Variants in LARP1 observed in about 807,000 individuals in gnomAD.
LARP1 encodes the protein la-related protein 1.
A neutral mutation model predicts 122.7 loss-of-function variants in LARP1; 36 were observed. The ratio of observed to expected loss-of-function variants is 0.29; its 90% CI spans 0.22 to 0.39. LARP1 has a LOEUF of 0.39. Ranked by LOEUF, LARP1 falls within the 10% of genes least tolerant of loss-of-function variation. The pLI, the probability that LARP1 is intolerant of heterozygous loss-of-function variation, is 1.00. For synonymous variants in LARP1, 539 were observed against 528.7 expected (o/e 1.02, Z -0.27); for missense variants, 1,040 against 1,403.6 (o/e 0.74, Z 4.14).
chr5:154,746,365 A>G (rs1753200197), intron 1 of LARP1, among the ~76,000 whole-genome samples: 1 of 152,152 alleles, frequency 6.6e-6, no homozygotes, highest in African/African-American at 2.4e-5. Flanking sequence ...TTGCCAAGAA[A>G]TTTCCTTTTG....
At chr5:154,795,651 T>C (rs1757688029) in intron 8 of LARP1, among the ~76,000 whole-genome samples, 1 of 151,568 alleles carries the variant, frequency 6.6e-6, no homozygotes, top group Non-Finnish European at 1.5e-5. Context: ...CTAGAAAACC[T>C]AGCATTTTGT....
upstream of LARP1, among the ~76,000 whole-genome samples, chr5:154,755,298 G>T (rs1753752803): frequency 6.8e-6 from 1 of 148,022 alleles, no homozygotes; most frequent in African/African-American, 2.4e-5. Context: ...CTCGCCCGCC[G>T]CGTCGTGAGG....
In LARP1 at chr5:154,793,648, A is replaced by C. The variant is rs1757512724; in HGVS notation, c.793A>C (p.Arg265=). The C allele has an allele frequency of 1.2e-5, 20 of 1,614,090 alleles. No homozygotes were observed. The highest frequency in any genetic ancestry group is 1.7e-5 in the Non-Finnish European group (20 of 1,180,042). ...LQIDMKPEVP[R]EKLASRPTRP... is the part of the protein sequence containing the mutation. ...AATAGACATGAAGCCTGAAGTGCCCAGAGAGAAACTGGCTTCACGCCCCAC... is the reference window on the plus strand; with the variant it reads ...AATAGACATGAAGCCTGAAGTGCCCCGAGAGAAACTGGCTTCACGCCCCAC... Residue 265 remains arginine (R), a synonymous_variant, in exon 5 of 19, where the codon AGA becomes CGA. Coordinates refer to ENST00000518297, the MANE Select transcript of LARP1 (RefSeq NM_033551.3).
chr5:154,811,579 T>C lies in LARP1; in HGVS notation c.3020T>C (p.Ile1007Thr), dbSNP rs746606377. 7 of 1,614,210 alleles carry C rather than the reference T, an allele frequency of 4.3e-6. No homozygotes were observed. Among genetic ancestry groups the C allele is most frequent in the African/African-American group, 4.0e-5 (3 of 75,066 alleles). Residue 1007 changes from isoleucine to threonine, a missense_variant, in exon 18 of 19, where the codon ATT becomes ACT. By Grantham distance (89) the Ile-to-Thr change is moderately conservative. Transcript: ENST00000518297. Reference sequence around the variant, plus strand: ...TATTCCAAAGCCAAAAATTTGGACATTGACCCCAAACTGCAAGAATACCTC... The same window carrying C: ...TATTCCAAAGCCAAAAATTTGGACACTGACCCCAAACTGCAAGAATACCTC... ...LKYSKAKNLD[I>T]DPKLQEYLGK... is the part of the protein sequence containing the mutation.
chr5:154,739,501 A>C (rs1757102711), intron 1 of LARP1, among the ~76,000 whole-genome samples: 1 of 152,194 alleles, frequency 6.6e-6, no homozygotes, highest in Admixed American at 6.5e-5. Flanking sequence ...AGTATTTTTC[A>C]CTTTTCAAAG....
At chr5:154,810,004 C>T (rs1325539935) in intron 16 of LARP1, among the ~76,000 whole-genome samples, 2 of 152,068 alleles carry the variant, frequency 1.3e-5, no homozygotes, top group East Asian at 1.9e-4. Flanking sequence ...CCGCGCCCTG[C>T]CTTACTATTA....
intron 1 of LARP1, among the ~76,000 whole-genome samples, chr5:154,690,528 A>G (rs1310930304): frequency 6.6e-6 from 1 of 152,232 alleles, no homozygotes; most frequent in Non-Finnish European, 1.5e-5. Flanking sequence ...GAAAGTGACC[A>G]TCTCAGGGTC....
intron 18 of LARP1, among the ~76,000 whole-genome samples, chr5:154,812,373 GT>G (rs1159584220): frequency 1.3e-5 from 2 of 152,148 alleles, no homozygotes. Context: ...AAGGAAAGAG[GT>G]TTAATTGACT....
At chr5:154,804,141 T>C in intron 13 of LARP1, 60 bp from the exon 14 acceptor site, 1 of 1,228,458 alleles carries the variant, frequency 8.1e-7, no homozygotes, top group Non-Finnish European at 1.2e-6. Context: ...TACAAGTGCT[T>C]GATGCTCCTC....
chr5:154,813,705 G>A (rs1000405393), intron 18 of LARP1, among the ~76,000 whole-genome samples, 182 bp from the exon 19 acceptor site: 5 of 152,210 alleles, frequency 3.3e-5, no homozygotes, highest in Non-Finnish European at 7.3e-5. Flanking sequence ...GAGAGAGTGT[G>A]CATAAAACAG....
intron 1 of LARP1, among the ~76,000 whole-genome samples, chr5:154,736,534 A>ATTTT (rs559128484): frequency 0.035 from 4,113 of 117,914 alleles, 100 homozygotes; most frequent in Non-Finnish European, 0.047. Flanking sequence ...TGCCTGGCCT[A>ATTTT]TTTTTATTTA....
rs144910045 is a variant in LARP1, at chr5:154,730,006, G to A, written c.205+16876G>A. 9.0e-4 allele frequency among the ~76,000 whole-genome samples: 137 copies of A among 152,226 alleles called. 1 individual carries two copies. In the East Asian group the frequency reaches 0.023, roughly 26 times the overall value. On this transcript the variant is annotated intron_variant, in intron 1 of 18. Transcript: ENST00000336314. ...AAGAACCGTGTAGCTGAACCCAGCC[G>A]AAATTGCCACAGATCAGAATTATGA...
At chr5:154,712,920 C>A in exon 1 of LARP1, 1 of 1,613,928 alleles carries the variant, frequency 6.2e-7, no homozygotes, top group South Asian at 1.1e-5. Context: ...AGGCCCTGGT[C>A]ACTCCATGCT....
At chr5:154,733,738 T>A (rs779872944) in intron 1 of LARP1, among the ~76,000 whole-genome samples, 1 of 152,006 alleles carries the variant, frequency 6.6e-6, no homozygotes, top group Non-Finnish European at 1.5e-5. Flanking sequence ...AATTTTTGTA[T>A]TTTTAGTAGA....
Position 154,802,654 on chromosome 5 carries a change from CTGACAGT to C in LARP1, c.2109+258_2109+264del, listed in dbSNP as rs1334327342. On this transcript the variant is annotated intron_variant, in intron 11 of 18. Transcript: ENST00000518297. The surrounding 1 kb of genome is among the most constrained non-coding windows in gnomAD (Gnocchi z 5.1). ...TATCTGCGGATCCATAGTTAATATT[CTGACAGT>C]TGGCTAGACACTTTTGTGGGGAACA... is the stretch of plus-strand genomic sequence containing the variant. Among the ~76,000 whole-genome samples the C allele has an allele frequency of 6.6e-6, 1 of 152,158 alleles. No individual in the cohort carries two copies. Among genetic ancestry groups the C allele is most frequent in the South Asian group, 2.1e-4 (1 of 4,824 alleles).
intron 1 of LARP1, among the ~76,000 whole-genome samples, chr5:154,683,585 G>T (rs573499831): frequency 6.6e-6 from 1 of 152,202 alleles, no homozygotes; most frequent in South Asian, 2.1e-4. Context: ...TTTCACCTAG[G>T]CCACTGAACT....
At chr5:154,794,571 T>C (rs1470636388) in intron 7 of LARP1, among the ~76,000 whole-genome samples, 1 of 152,236 alleles carries the variant, frequency 6.6e-6, no homozygotes, top group Non-Finnish European at 1.5e-5. Context: ...CTAACATTTA[T>C]TGAATCCTTA....
Position 154,811,289 on chromosome 5 carries a change from G to A in LARP1, c.2886G>A (p.Leu962=). ...TTTTTCGATACTACAGTTATGGCCT[G>A]GAAAAGAAGTTCCGGCTGGACATAT... ...ECLFRYYSYG[L]EKKFRLDIFK... is the part of the protein sequence containing the mutation. The change falls in exon 17 of 19, where the codon CTG becomes CTA. Residue 962 remains leucine, a synonymous_variant. Coordinates refer to ENST00000518297, the MANE Select transcript of LARP1 (RefSeq NM_033551.3). The A allele has an allele frequency of 6.2e-7, 1 of 1,614,168 alleles. No homozygotes were observed. Among genetic ancestry groups the A allele is most frequent in the Non-Finnish European group, 8.5e-7 (1 of 1,180,028 alleles).
At chr5:154,799,512 A>G in intron 8 of LARP1, 79 bp from the exon 9 acceptor site, 6 of 1,497,194 alleles carry the variant, frequency 4.0e-6, no homozygotes, top group East Asian at 2.3e-5. Context: ...GCTCAGGGGA[A>G]CCCAGTTGTC....
Sources: gnomAD v4.1 joint callset for allele counts (sites outside exome capture counted in the v4.1 genomes callset) on GRCh38, gnomAD v4.1.1 for gene constraint, Gnocchi (gnomAD v3.1) non-coding constraint, MANE v1.5 for transcripts, NCBI Gene and HGNC (gene_info 2026-07-23, HGNC 2026-07-21) for gene names.